The following AHNAK2 variants were observed in gnomAD, a reference collection of about 807,000 sequenced individuals.
The protein encoded by AHNAK2 is protein AHNAK2.
A neutral mutation model predicts 30.7 loss-of-function variants in AHNAK2; 18 were observed. That is an observed-to-expected ratio of 0.59 (90% CI 0.41 to 0.87). The LOEUF (loss-of-function observed/expected upper bound fraction) is 0.87, where lower values mean the gene tolerates loss of function less well. AHNAK2 is among the 40% of genes least tolerant of loss of function. AHNAK2 has a pLI of 0.00. For synonymous variants in AHNAK2, 3,590 were observed against 3,073.8 expected, an observed-to-expected ratio of 1.17 and a Z score of -5.56; for missense variants, 8,604 against 7,373.0, an observed-to-expected ratio of 1.17 and a Z score of -6.11.
rs376875331 is a variant in AHNAK2, at chr14:104,940,064, G to A, written c.15387C>T (p.Thr5129=). Residue 5129 remains threonine (T), a synonymous_variant, in exon 7 of 7, where the codon ACC becomes ACT. Transcript: ENST00000333244. This position sits in a 1 kb window ranked among gnomAD's most constrained non-coding sequence, Gnocchi z 4.4. ...GCCCACATCCTCTGCTGTCACCTTC[G>A]GTAGACAGATCATGTTTGGGAAGAG... ...DLPLPKHDLS[T]EGDSRGCGLG... The A allele has an allele frequency of 3.7e-5, 60 of 1,611,618 alleles. No individual in the cohort carries two copies. The African/African-American group carries it at 4.5e-4, about 12-fold the overall frequency.
chr14:104,959,092 T>C (rs1899060730), intron 1 of AHNAK2, among the ~76,000 whole-genome samples: 2 of 152,230 alleles, frequency 1.3e-5, no homozygotes, highest in Non-Finnish European at 1.5e-5. Context: ...CCCAGCACTT[T>C]GGGAGGCTGA....
Position 104,945,306 on chromosome 14 carries a change from G to C in AHNAK2, c.10145C>G (p.Pro3382Arg), listed in dbSNP as rs763306348. ...VDVKLPEGHV[P>R]EGAGLKGHLP... ...GTGCCCTTTGAGGCCAGCTCCCTCG[G>C]GCACGTGGCCCTCCGGGAGCTTCAC... Residue 3382 changes from proline to arginine, a missense_variant, in exon 7 of 7, where the codon CCC (proline) becomes CGC (arginine). By Grantham distance (103) the Pro-to-Arg change is moderately radical. Transcript: ENST00000333244. 1.9e-6 allele frequency: 3 copies of C among 1,611,264 alleles called. No individual in the cohort carries two copies. The highest frequency in any genetic ancestry group is 1.7e-5 in the Admixed American group (1 of 59,828).
chr14:104,952,052 G>A lies in AHNAK2; in HGVS notation c.3399C>T (p.Val1133=), dbSNP rs753134176. The A allele has an allele frequency of 2.4e-5, 39 of 1,612,352 alleles. No homozygotes were observed. Among genetic ancestry groups the A allele is most frequent in the Middle Eastern group, 1.6e-4 (1 of 6,066 alleles). The part of the protein sequence containing the change: ...EVSLPSVEVD[V]EAPGAKLDSA... ...TGTCCAGCTTGGCTCCCGGGGCCTCGACGTCCACCTCCACGCTGGGCAGAG... is the reference window on the plus strand; with the variant it reads ...TGTCCAGCTTGGCTCCCGGGGCCTCAACGTCCACCTCCACGCTGGGCAGAG... Residue 1133 remains valine, a synonymous_variant, in exon 7 of 7, where the codon GTC becomes GTT. Transcript: ENST00000333244.
chr14:104,941,533 A>G lies in AHNAK2; in HGVS notation c.13918T>C (p.Trp4640Arg), dbSNP rs1566897031. 1 of 1,613,032 alleles carries G rather than the reference A, an allele frequency of 6.2e-7. No homozygotes were observed. The highest frequency in any genetic ancestry group is 2.2e-5 in the East Asian group (1 of 44,884). Residue 4640 changes from tryptophan (W) to arginine (R), a missense_variant, in exon 7 of 7, where the codon TGG becomes CGG. By Grantham distance (101) the Trp-to-Arg change is moderately radical. Transcript: ENST00000333244. ...GACATGGAAACTTTCTTTGACGACCATTCAAAACCAGACGTGCTCAGTTTT... is the reference window on the plus strand; with the variant it reads ...GACATGGAAACTTTCTTTGACGACCGTTCAAAACCAGACGTGCTCAGTTTT... ...GPKLSTSGFE[W>R]SSKKVSMSSS... is the part of the protein sequence containing the mutation.
In AHNAK2 at chr14:104,938,850, A is replaced by C. The variant is rs748673360; in HGVS notation, c.16601T>G (p.Val5534Gly). The change falls in exon 7 of 7, where the codon GTG (valine) becomes GGG (glycine). Residue 5534 changes from valine to glycine, a missense_variant. Coordinates refer to ENST00000333244, the MANE Select transcript of AHNAK2 (RefSeq NM_138420.4). ...KIPEPHTQAR[V>G]YTTMTQHSRT... Reference sequence around the variant, plus strand: ...AGAGTGTTGAGTCATTGTTGTGTACACTCTAGCCTGCGTGTGGGGCTCTGG... The same window carrying C: ...AGAGTGTTGAGTCATTGTTGTGTACCCTCTAGCCTGCGTGTGGGGCTCTGG... 1 of 1,613,614 alleles carries C rather than the reference A, an allele frequency of 6.2e-7. No individual in the cohort carries two copies.
At position 104,950,179 on chromosome 14, in the gene AHNAK2, C is replaced by T. The variant is rs202136404; in HGVS notation, c.5272G>A (p.Gly1758Ser). The T allele has an allele frequency of 1.4e-4, 219 of 1,586,048 alleles. 21 individuals are homozygous for T. The African/African-American group carries it at 2.4e-3, about 18-fold the overall frequency. The change falls in exon 7 of 7, where the codon GGC becomes AGC. Residue 1758 changes from glycine (G) to serine (S), a missense_variant. Physicochemically the swap from Gly to Ser is moderately conservative, Grantham distance 56. Transcript: ENST00000333244. ...GGGCCCTTGACGTCCATCTGGGGGC[C>T]CTTGAGGGCCACTTTGGGCATCTTC... ...SLKMPKVALK[G>S]PQMDVKGPKL...
chr14:104,973,794 A>T (rs1209349067), intron 1 of AHNAK2, among the ~76,000 whole-genome samples: 1 of 152,188 alleles, frequency 6.6e-6, no homozygotes, highest in Admixed American at 6.5e-5. Context: ...CTCTGCAGAG[A>T]GGAGGCCCCG....
At position 104,949,030 on chromosome 14, in the gene AHNAK2, G is replaced by T; in HGVS notation, c.6421C>A (p.Leu2141Met). ...TTGGTAGTCAGGTCCTTGTTGGCCA[G>T]GGTCAGGTCCCCCTGCAGATGCGCA... ...DSAHLQGDLT[L>M]ANKDLTTKDS... Residue 2141 changes from leucine to methionine, a missense_variant, in exon 7 of 7, where the codon CTG becomes ATG. Coordinates refer to ENST00000333244, the MANE Select transcript of AHNAK2 (RefSeq NM_138420.4). 1 of 1,075,806 alleles carries T rather than the reference G, an allele frequency of 9.3e-7. No individual in the cohort carries two copies. The highest frequency in any genetic ancestry group is 1.5e-5 in the South Asian group (1 of 67,074). 66.6% of individuals were successfully genotyped at this position (1,075,806 alleles called of 1,614,324 possible). A position where few individuals can be genotyped will look rare whatever the true frequency, so the allele number is the denominator to read the frequency against.
Position 104,950,809 on chromosome 14 carries a change from C to A in AHNAK2, c.4642G>T (p.Ala1548Ser), listed in dbSNP as rs369187097. ...TGGCCAGCCTGGACCTCCAGGTCAGCAGAAGGGGGCTGTATGCTCAGGTCA... is the reference window on the plus strand; with the variant it reads ...TGGCCAGCCTGGACCTCCAGGTCAGAAGAAGGGGGCTGTATGCTCAGGTCA... ...ATDLSIQPPS[A>S]DLEVQAGQVD... Residue 1548 changes from alanine (A) to serine (S), a missense_variant, in exon 7 of 7, where the codon GCT becomes TCT. By Grantham distance (99) the Ala-to-Ser change is moderately conservative. Transcript: ENST00000333244. The A allele has an allele frequency of 2.1e-5, 34 of 1,585,464 alleles. 5 individuals are homozygous for A. Among genetic ancestry groups the A allele is most frequent in the Non-Finnish European group, 2.8e-5 (33 of 1,161,742 alleles).
Position 104,939,894 on chromosome 14 carries a change from T to C in AHNAK2, c.15557A>G (p.Gln5186Arg). 1 of 1,613,466 alleles carries C rather than the reference T, an allele frequency of 6.2e-7. No individual in the cohort carries two copies. The highest frequency in any genetic ancestry group is 8.5e-7 in the Non-Finnish European group (1 of 1,179,898). ...CTTGGGCATTTTAAACCAGCTTTCC[T>C]GCGAGTACTTGGTCATGGCTTCCTC... ...PEEEAMTKYS[Q>R]ESWFKMPKFR... Residue 5186 changes from glutamine (Q) to arginine (R), a missense_variant, in exon 7 of 7, where the codon CAG becomes CGG. Gln to Arg is a conservative substitution (Grantham distance 43). Transcript: ENST00000333244.
chr14:104,940,531 T>G lies in AHNAK2; in HGVS notation c.14920A>C (p.Lys4974Gln). ...TCCACGCTGCATTCTGGGTCCACCTTTGGCCCTGTTTCCTTCTTCGGGGAC... is the reference window on the plus strand; with the variant it reads ...TCCACGCTGCATTCTGGGTCCACCTGTGGCCCTGTTTCCTTCTTCGGGGAC... ...RWSPKKETGP[K>Q]VDPECSVEDS... is the part of the protein sequence containing the mutation. The change falls in exon 7 of 7, where the codon AAG (lysine) becomes CAG (glutamine). Residue 4974 changes from lysine (K) to glutamine (Q), a missense_variant. Physicochemically the swap from Lys to Gln is moderately conservative, Grantham distance 53 (BLOSUM62 1). Transcript: ENST00000333244. This position sits in a 1 kb window ranked among gnomAD's most constrained non-coding sequence, Gnocchi z 4.4. 6.2e-7 allele frequency: 1 copy of G among 1,613,728 alleles called. No individual in the cohort carries two copies. Among genetic ancestry groups the G allele is most frequent in the Non-Finnish European group, 8.5e-7 (1 of 1,179,854 alleles).
In AHNAK2 at chr14:104,944,315, G is replaced by C. The variant is rs182791499; in HGVS notation, c.11136C>G (p.Pro3712=). 6.6e-5 allele frequency: 106 copies of C among 1,612,670 alleles called. No individual in the cohort carries two copies. Among genetic ancestry groups the C allele is most frequent in the Non-Finnish European group, 8.5e-5 (100 of 1,179,530 alleles). Residue 3712 remains proline (P), a synonymous_variant, in exon 7 of 7, where the codon CCC becomes CCG. Coordinates refer to ENST00000333244, the MANE Select transcript of AHNAK2 (RefSeq NM_138420.4). ...GGTGCTCTTTGAGGCCGGCTCCCTC[G>C]GGCACCTGGCCCTCCGGGAGCTTCA... is the stretch of plus-strand genomic sequence containing the variant. ...MDVKLPEGQV[P]EGAGLKEHLP...
At chr14:104,974,249 G>A (rs185634573) in intron 1 of AHNAK2, among the ~76,000 whole-genome samples, 36 of 152,318 alleles carry the variant, frequency 2.4e-4, no homozygotes, top group African/African-American at 8.7e-4. Flanking sequence ...CTCCTTGTGT[G>A]TCCAGTTAAG....
chr14:104,949,585 C>A lies in AHNAK2; in HGVS notation c.5866G>T (p.Val1956Leu). The change falls in exon 7 of 7, where the codon GTG (valine) becomes TTG (leucine). Residue 1956 changes from valine (V) to leucine (L), a missense_variant. Val to Leu is a conservative substitution (Grantham distance 32, BLOSUM62 1). Coordinates refer to ENST00000333244, the MANE Select transcript of AHNAK2 (RefSeq NM_138420.4). ...DVEVSLPSME[V>L]DVQAQKAKLD... The stretch of plus-strand genomic sequence containing the variant: ...TTAGCCTTCTGGGCCTGGACATCCA[C>A]CTCCATGCTGGGCAGAGACACCTCG... 1 of 1,589,196 alleles carries A rather than the reference C, an allele frequency of 6.3e-7. No individual in the cohort carries two copies.
Position 104,941,713 on chromosome 14 carries a change from C to A in AHNAK2, c.13738G>T (p.Ala4580Ser), listed in dbSNP as rs751510737. 1 of 1,613,682 alleles carries A rather than the reference C, an allele frequency of 6.2e-7. No homozygotes were observed. Among genetic ancestry groups the A allele is most frequent in the Non-Finnish European group, 8.5e-7 (1 of 1,179,880 alleles). ...GPKLDLKGPK[A>S]EVMAPDVEVS... ...TCCACATCGGGGGCCATCACCTCTGCCTTTGGGCCTTTCAGGTCCAGCTTG... is the reference window on the plus strand; with the variant it reads ...TCCACATCGGGGGCCATCACCTCTGACTTTGGGCCTTTCAGGTCCAGCTTG... Residue 4580 changes from alanine (A) to serine (S), a missense_variant, in exon 7 of 7, where the codon GCA (alanine) becomes TCA (serine). Physicochemically the swap from Ala to Ser is moderately conservative, Grantham distance 99. Coordinates refer to ENST00000333244, the MANE Select transcript of AHNAK2 (RefSeq NM_138420.4).
chr14:104,950,609 G>A lies in AHNAK2; in HGVS notation c.4842C>T (p.Ala1614=). Residue 1614 remains alanine, a synonymous_variant, in exon 7 of 7, where the codon GCC becomes GCT. Coordinates refer to ENST00000333244, the MANE Select transcript of AHNAK2 (RefSeq NM_138420.4). The stretch of plus-strand genomic sequence containing the variant: ...TGGACAGAGACATCTTCACATCGGG[G>A]GCTGTCACTTCCACCTTGGGGCCTT... ...DLKGPKVEVT[A]PDVKMSLSSM... 2 of 1,586,864 alleles carry A rather than the reference G, an allele frequency of 1.3e-6. No homozygotes were observed. Among genetic ancestry groups the A allele is most frequent in the East Asian group, 2.3e-5 (1 of 44,238 alleles).
Position 104,943,460 on chromosome 14 carries a change from C to T in AHNAK2, c.11991G>A (p.Lys3997=). ...MEASVDVTAP[K]VEADVSLPSM... is the part of the protein sequence containing the mutation. ...AAGGGAGGCTCACGTCGGCCTCCAC[C>T]TTTGGCGCGGTCACATCCACTGATG... is the stretch of plus-strand genomic sequence containing the variant. Residue 3997 remains lysine (K), a synonymous_variant, in exon 7 of 7, where the codon AAG becomes AAA. Transcript: ENST00000333244. The T allele has an allele frequency of 6.2e-7, 1 of 1,613,270 alleles. No individual in the cohort carries two copies. Among genetic ancestry groups the T allele is most frequent in the Non-Finnish European group, 8.5e-7 (1 of 1,179,648 alleles).
At chr14:104,959,338 A>G (rs1402740908) in intron 1 of AHNAK2, among the ~76,000 whole-genome samples, 1 of 152,044 alleles carries the variant, frequency 6.6e-6, no homozygotes, top group Non-Finnish European at 1.5e-5. Context: ...ATGCCCAGCT[A>G]ATTTTCGTAC....
intron 1 of AHNAK2, among the ~76,000 whole-genome samples, chr14:104,965,905 C>CCCTCACTGTGGGCTGT (rs1244851943): frequency 6.6e-6 from 1 of 152,200 alleles, no homozygotes; most frequent in East Asian, 1.9e-4. Context: ...ACCCTGCCTG[C>CCCTCACTGTGGGCTGT]CCTGACTGTG....
Sources: allele counts gnomAD v4.1 joint callset (sites outside exome capture counted in the v4.1 genomes callset), GRCh38; gene constraint gnomAD v4.1.1; non-coding constraint Gnocchi (gnomAD v3.1); transcripts MANE v1.5; gene names NCBI Gene and HGNC (gene_info 2026-07-23, HGNC 2026-07-21).